The following TDRD5 variants were observed in gnomAD, a reference collection of about 807,000 sequenced individuals.
The protein encoded by TDRD5 is tudor domain containing 5.
A neutral mutation model predicts 120.6 loss-of-function variants in TDRD5; 41 were observed. The ratio of observed to expected loss-of-function variants is 0.34; its 90% CI spans 0.26 to 0.44. TDRD5 has a LOEUF of 0.44. TDRD5 is among the 20% of genes least tolerant of loss of function. TDRD5 has a pLI of 1.00. For missense variants in TDRD5, 1,006 were observed against 1,221.2 expected (o/e 0.82, Z 2.63); for synonymous variants, 430 against 433.7 (o/e 0.99, Z 0.11).
intron 17 of TDRD5, among the ~76,000 whole-genome samples, chr1:179,681,355 A>T (rs1414967940): frequency 2.6e-5 from 4 of 152,196 alleles, no homozygotes; most frequent in Admixed American, 6.5e-5. Flanking sequence ...TTCCCATGCC[A>T]GCCTTTTAGC....
intron 4 of TDRD5, among the ~76,000 whole-genome samples, chr1:179,597,909 A>G (rs1675491235): frequency 6.6e-6 from 1 of 152,160 alleles, no homozygotes; most frequent in African/African-American, 2.4e-5. Context: ...TTTTGCCAAT[A>G]CTGTACTATC....
intron 4 of TDRD5, among the ~76,000 whole-genome samples, chr1:179,601,470 G>C (rs1035385977): frequency 1.1e-4 from 17 of 151,904 alleles, no homozygotes; most frequent in African/African-American, 4.1e-4. Context: ...CTTATGCCTA[G>C]GCGTCCTCAT....
At chr1:179,637,588 G>A (rs150557451) in intron 9 of TDRD5, among the ~76,000 whole-genome samples, 1,613 of 151,946 alleles carry the variant, frequency 0.011, 33 homozygotes, top group African/African-American at 0.037. Flanking sequence ...ATCTACAAAA[G>A]AATTAAAAAT....
At chr1:179,662,335 T>C in intron 15 of TDRD5, 49 bp downstream of exon 15, 1 of 1,564,648 alleles carries the variant, frequency 6.4e-7, no homozygotes, top group Non-Finnish European at 8.6e-7. Context: ...GCACTGCGGC[T>C]CAAGCCTGTA....
chr1:179,615,661 T>C (rs1230734510), intron 4 of TDRD5, among the ~76,000 whole-genome samples: 1 of 152,152 alleles, frequency 6.6e-6, no homozygotes, highest in Non-Finnish European at 1.5e-5. Flanking sequence ...CCATTCCACA[T>C]TATAACTTCT....
chr1:179,627,634 C>G (rs1677201260), intron 6 of TDRD5, among the ~76,000 whole-genome samples: 1 of 152,082 alleles, frequency 6.6e-6, no homozygotes, highest in African/African-American at 2.4e-5. Flanking sequence ...ACTAGGTTCA[C>G]ATTAGAGCTT....
At chr1:179,678,952 G>A (rs1680284485) in intron 17 of TDRD5, among the ~76,000 whole-genome samples, 1 of 152,112 alleles carries the variant, frequency 6.6e-6, no homozygotes, top group Non-Finnish European at 1.5e-5. Context: ...TGATCTTATA[G>A]GAAGCATTTT....
intron 16 of TDRD5, among the ~76,000 whole-genome samples, chr1:179,666,819 T>A (rs1156381146): frequency 6.6e-6 from 1 of 152,232 alleles, no homozygotes; most frequent in East Asian, 1.9e-4. Context: ...TGCCAACAAT[T>A]GTAATCATGT....
chr1:179,673,499 G>A (rs1015916774), intron 17 of TDRD5, among the ~76,000 whole-genome samples: 38 of 152,096 alleles, frequency 2.5e-4, no homozygotes, highest in Non-Finnish European at 2.9e-4. Context: ...AGGTGGTCAG[G>A]GCACAGCTTG....
chr1:179,601,221 A>C (rs1376674461), intron 4 of TDRD5, among the ~76,000 whole-genome samples: 1 of 152,046 alleles, frequency 6.6e-6, no homozygotes, highest in Non-Finnish European at 1.5e-5. Flanking sequence ...CTTTTAGTTC[A>C]GTTGGTTTAT....
intron 2 of TDRD5, 57 bp downstream of exon 2, chr1:179,592,904 A>G (rs1301415055): frequency 6.6e-7 from 1 of 1,516,008 alleles, no homozygotes; most frequent in Non-Finnish European, 9.1e-7. Context: ...ATTGCTTAGT[A>G]AATAATTATT....
chr1:179,593,885 T>C lies in TDRD5; in HGVS notation c.640+18T>C. 1 of 1,605,484 alleles carries C rather than the reference T, an allele frequency of 6.2e-7. No individual in the cohort carries two copies. Among genetic ancestry groups the C allele is most frequent in the South Asian group, 1.1e-5 (1 of 89,928 alleles). On this transcript the variant is annotated intron_variant, in intron 3 of 17. Coordinates refer to ENST00000444136, the MANE Select transcript of TDRD5 (RefSeq NM_001199085.3). ...TCCAGCAGGTACGCATGTGAGCAAA[T>C]GTTGGAGCAGTCATGGCACATAGAG...
At chr1:179,689,170 C>G (rs2147832849) in intron 17 of TDRD5, among the ~76,000 whole-genome samples, 1 of 152,260 alleles carries the variant, frequency 6.6e-6, no homozygotes, top group Non-Finnish European at 1.5e-5. Flanking sequence ...TGGTTTCTCC[C>G]CATCTTTGTA....
intron 11 of TDRD5, among the ~76,000 whole-genome samples, chr1:179,647,954 C>G (rs971399843): frequency 6.6e-6 from 1 of 151,854 alleles, no homozygotes. Flanking sequence ...ACAACAGGTG[C>G]TGGAGAGGAT....
chr1:179,678,086 T>TG (rs1053489357), intron 17 of TDRD5, among the ~76,000 whole-genome samples: 2 of 145,244 alleles, frequency 1.4e-5, no homozygotes, highest in Non-Finnish European at 3.0e-5. Flanking sequence ...GCGGCTGCTA[T>TG]GGGGGTGGGG....
At chr1:179,624,265 A>G (rs1277595726) in intron 6 of TDRD5, among the ~76,000 whole-genome samples, 1 of 152,238 alleles carries the variant, frequency 6.6e-6, no homozygotes, top group Non-Finnish European at 1.5e-5. Flanking sequence ...AACTAGGAAT[A>G]GAAAAGAAAT....
At chr1:179,611,502 C>T (rs1676272115) in intron 4 of TDRD5, among the ~76,000 whole-genome samples, 1 of 152,074 alleles carries the variant, frequency 6.6e-6, no homozygotes, top group South Asian at 2.1e-4. Context: ...ACTACCCTAC[C>T]ATTTATGAAC....
intron 4 of TDRD5, among the ~76,000 whole-genome samples, chr1:179,612,685 A>G (rs1384489544): frequency 6.6e-6 from 1 of 152,174 alleles, no homozygotes; most frequent in African/African-American, 2.4e-5. Flanking sequence ...CTGTAATCCT[A>G]GCACTTTGGG....
At chr1:179,680,911 A>G (rs1430949276) in intron 17 of TDRD5, among the ~76,000 whole-genome samples, 2 of 152,372 alleles carry the variant, frequency 1.3e-5, no homozygotes, top group Middle Eastern at 6.8e-3. Context: ...AAAAGGGCAT[A>G]TGACCAAATG....
Sources: allele counts gnomAD v4.1 joint callset (sites outside exome capture counted in the v4.1 genomes callset), GRCh38; gene constraint gnomAD v4.1.1; transcripts MANE v1.5; gene names NCBI Gene and HGNC (gene_info 2026-07-23, HGNC 2026-07-21).